The following NPR3 variants were observed in gnomAD, a reference collection of about 807,000 sequenced individuals.
NPR3 encodes the protein natriuretic peptide receptor 3, also known as atrial natriuretic peptide receptor 3.
A neutral mutation model predicts 54.5 loss-of-function variants in NPR3; 34 were observed. The ratio of observed to expected loss-of-function variants is 0.62; its 90% CI spans 0.47 to 0.83. The LOEUF is 0.83. NPR3 is among the 40% of genes least tolerant of loss of function. The pLI is 0.00. For missense variants in NPR3, 674 were observed against 720.8 expected, an observed-to-expected ratio of 0.94 and a Z score of 0.74; for synonymous variants, 289 against 297.1, an observed-to-expected ratio of 0.97 and a Z score of 0.28.
chr5:32,783,165 G>A (rs1742430180), intron 6 of NPR3, 137 bp downstream of exon 6: 1 of 713,952 alleles, frequency 1.4e-6, no homozygotes, highest in Non-Finnish European at 2.2e-6. Context: ...AAAACGCATG[G>A]GAACAGTTCA....
intron 1 of NPR3, among the ~76,000 whole-genome samples, chr5:32,721,404 G>A (rs539393477): frequency 2.0e-5 from 3 of 152,322 alleles, no homozygotes; most frequent in East Asian, 3.9e-4. Flanking sequence ...GCTCATGCCT[G>A]TAATCTCAGC....
intron 2 of NPR3, among the ~76,000 whole-genome samples, chr5:32,729,218 T>C (rs888629365): frequency 1.3e-5 from 2 of 151,338 alleles, no homozygotes; most frequent in Admixed American, 1.3e-4. Context: ...TTTAGTAGAG[T>C]CGGGGTTTCA....
rs183491539 is a variant in NPR3, at chr5:32,756,494, C to T, written c.1059+17464C>T. On this transcript the variant is annotated intron_variant, in intron 3 of 7. Coordinates refer to ENST00000265074, the MANE Select transcript of NPR3 (RefSeq NM_001204375.2). ...ATTTGTTTGAGTTCTTTGTAGATTC[C>T]GGATATTAGCCCTTTGTCAGATGAG... 3.7e-3 allele frequency among the ~76,000 whole-genome samples: 564 copies of T among 152,036 alleles called. 4 individuals carry two copies. The highest frequency in any genetic ancestry group is 0.013 in the African/African-American group (536 of 41,482).
chr5:32,744,271 G>A (rs558499832), intron 3 of NPR3, among the ~76,000 whole-genome samples: 28 of 152,242 alleles, frequency 1.8e-4, no homozygotes, highest in African/African-American at 6.0e-4. Flanking sequence ...GATTACAGGC[G>A]TGAGCCATCT....
At chr5:32,768,140 C>A (rs746678874) in intron 3 of NPR3, among the ~76,000 whole-genome samples, 1 of 152,180 alleles carries the variant, frequency 6.6e-6, no homozygotes, top group African/African-American at 2.4e-5. Flanking sequence ...TGACAGGACA[C>A]AGACCTCAGG....
intron 3 of NPR3, among the ~76,000 whole-genome samples, chr5:32,768,303 T>G (rs561234460): frequency 5.2e-4 from 79 of 152,332 alleles, no homozygotes; most frequent in Non-Finnish European, 9.6e-4. Flanking sequence ...TGTGTCATTA[T>G]GTATGTGCAT....
intron 4 of NPR3, among the ~76,000 whole-genome samples, chr5:32,775,550 C>A (rs1304001902): frequency 6.6e-6 from 1 of 152,014 alleles, no homozygotes; most frequent in Non-Finnish European, 1.5e-5. Context: ...CCCATCTCAG[C>A]CTTCCAAAGT....
chr5:32,757,084 C>T lies in NPR3; in HGVS notation c.1060-17624C>T, dbSNP rs546327392. ...TTGGCTTAGGATTGTGTTGGCAATG[C>T]CAGCTTTTTTCTGGTTCCATATGAA... is the stretch of plus-strand genomic sequence containing the variant. On this transcript the variant is annotated intron_variant, in intron 3 of 7. Coordinates refer to ENST00000265074, the MANE Select transcript of NPR3 (RefSeq NM_001204375.2). Among the ~76,000 whole-genome samples, 6 of 152,232 alleles carry T rather than the reference C, an allele frequency of 3.9e-5. No homozygotes were observed. In the South Asian group the frequency reaches 6.2e-4, roughly 16 times the overall value.
At chr5:32,784,759 C>T in intron 6 of NPR3, 37 bp from the exon 7 acceptor site, 1 of 1,528,930 alleles carries the variant, frequency 6.5e-7, no homozygotes, top group Non-Finnish European at 9.1e-7. Context: ...AACTGTATCT[C>T]CAAATGAACC....
intron 3 of NPR3, among the ~76,000 whole-genome samples, chr5:32,773,808 G>A (rs1488645807): frequency 6.6e-6 from 1 of 152,182 alleles, no homozygotes; most frequent in African/African-American, 2.4e-5. Flanking sequence ...AAATTGATAT[G>A]TGCCAGGCAT....
chr5:32,710,859 G>GTTTTTTTCTTTTTTTTT, upstream of NPR3: 1 of 897,928 alleles, frequency 1.1e-6, no homozygotes, highest in African/African-American at 2.2e-5. Context: ...CCCAGTCCTG[G>GTTTTTTTCTTTTTTTTT]TTTTTTTTTT....
intron 1 of NPR3, among the ~76,000 whole-genome samples, chr5:32,717,937 A>G (rs907791797): frequency 1.3e-5 from 2 of 152,204 alleles, no homozygotes; most frequent in African/African-American, 4.8e-5. Flanking sequence ...GCCCATGCCT[A>G]CGTCCTGAAA....
Position 32,777,830 on chromosome 5 carries a change from A to G in NPR3, c.1196-2892A>G, listed in dbSNP as rs143049527. The stretch of plus-strand genomic sequence containing the variant: ...GTTTTACCTCTGACTGCTTCAGTTG[A>G]GGAGCTAGAATCCAATAGGATAATT... On this transcript the variant is annotated intron_variant, in intron 4 of 7. Transcript: ENST00000265074. Among the ~76,000 whole-genome samples, 6 of 152,322 alleles carry G rather than the reference A, an allele frequency of 3.9e-5. No individual in the cohort carries two copies. The East Asian group carries it at 1.2e-3, about 29-fold the overall frequency.
At chr5:32,695,719 C>T (rs1740515371) in intron 1 of NPR3, among the ~76,000 whole-genome samples, 1 of 152,204 alleles carries the variant, frequency 6.6e-6, no homozygotes, top group South Asian at 2.1e-4. Context: ...GCCATTTTAA[C>T]TGTGGTGAGA....
chr5:32,705,648 A>G (rs1393988527), upstream of NPR3, among the ~76,000 whole-genome samples: 2 of 152,174 alleles, frequency 1.3e-5, no homozygotes, highest in Non-Finnish European at 2.9e-5. Context: ...ATGGTGTTAA[A>G]CCATGAGAAA....
intron 1 of NPR3, chr5:32,716,819 TC>T (rs1333376107): frequency 6.5e-6 from 1 of 153,682 alleles, no homozygotes; most frequent in East Asian, 1.9e-4. Flanking sequence ...TAAATAATCT[TC>T]TAATTCTTTA....
chr5:32,737,213 T>C lies in NPR3; in HGVS notation c.893-1651T>C, dbSNP rs144859436. ...CGGGTTAGAGCTCATTGCATCTTCC[T>C]CTCTACTCTGTGTTGTTTCTTTGTA... On this transcript the variant is annotated intron_variant, in intron 2 of 7. Coordinates refer to ENST00000265074, the MANE Select transcript of NPR3 (RefSeq NM_001204375.2). Among the ~76,000 whole-genome samples, 711 of 152,284 alleles carry C rather than the reference T, an allele frequency of 4.7e-3. 4 individuals are homozygous for C. Among genetic ancestry groups the C allele is most frequent in the African/African-American group, 0.016 (677 of 41,554 alleles).
intron 1 of NPR3, among the ~76,000 whole-genome samples, chr5:32,702,039 T>C (rs1212627529): frequency 6.6e-6 from 1 of 152,136 alleles, no homozygotes; most frequent in Non-Finnish European, 1.5e-5. Context: ...TGCTACCAGT[T>C]AGGTTCACTC....
chr5:32,758,364 T>C (rs1012980734), intron 3 of NPR3, among the ~76,000 whole-genome samples: 9 of 152,248 alleles, frequency 5.9e-5, no homozygotes, highest in Non-Finnish European at 1.0e-4. Context: ...TATCCATTTC[T>C]TCTAGATTTT....
Sources: allele counts gnomAD v4.1 joint callset (sites outside exome capture counted in the v4.1 genomes callset), GRCh38; gene constraint gnomAD v4.1.1; transcripts MANE v1.5; gene names NCBI Gene and HGNC (gene_info 2026-07-23, HGNC 2026-07-21).